MOB1B: variants seen among roughly 807,000 people sequenced by gnomAD.
MOB1B encodes MOB kinase activator 1B, also known as MOB1 Mps One Binder homolog B.
In MOB1B, 19 loss-of-function variants were observed where a neutral mutation model predicts 24.4. The ratio of observed to expected loss-of-function variants is 0.78; its 90% CI spans 0.54 to 1.14. The LOEUF is 1.14. Among genes scored for constraint, MOB1B ranks in the 50% most tolerant of loss-of-function variants. MOB1B has a pLI of 0.00. For missense variants in MOB1B, 243 were observed against 259.6 expected, an observed-to-expected ratio of 0.94 and a Z score of 0.44; for synonymous variants, 76 against 82.1, an observed-to-expected ratio of 0.93 and a Z score of 0.40.
chr4:70,929,890 CCCTT>C (rs1489522170), intron 1 of MOB1B, among the ~76,000 whole-genome samples: 2 of 151,830 alleles, frequency 1.3e-5, no homozygotes, highest in Non-Finnish European at 2.9e-5. Flanking sequence ...GCCTCGGCCT[CCCTT>C]AATACAGCCA....
chr4:70,974,724 C>G (rs552708053), intron 3 of MOB1B, among the ~76,000 whole-genome samples: 1 of 152,262 alleles, frequency 6.6e-6, no homozygotes, highest in South Asian at 2.1e-4. Flanking sequence ...GTGTCATTCT[C>G]TATCCTTAAC....
intron 2 of MOB1B, among the ~76,000 whole-genome samples, chr4:70,968,511 A>G (rs1738628658): frequency 1.3e-5 from 2 of 151,946 alleles, no homozygotes; most frequent in Non-Finnish European, 2.9e-5. Flanking sequence ...AGGTTTCTCT[A>G]TGTTGATCAT....
At chr4:70,911,082 T>A (rs1219178735) in intron 1 of MOB1B, among the ~76,000 whole-genome samples, 3 of 152,112 alleles carry the variant, frequency 2.0e-5, no homozygotes, top group Non-Finnish European at 4.4e-5. Context: ...CACCGCGCCC[T>A]GCTAACTTCT....
chr4:70,938,594 G>C (rs1205337439), intron 1 of MOB1B, among the ~76,000 whole-genome samples: 2 of 151,990 alleles, frequency 1.3e-5, no homozygotes, highest in African/African-American at 4.8e-5. Flanking sequence ...GAAGCCCACT[G>C]TGTAGATTGT....
chr4:70,934,159 AC>A (rs1736991311), intron 1 of MOB1B, among the ~76,000 whole-genome samples: 1 of 152,114 alleles, frequency 6.6e-6, no homozygotes, highest in South Asian at 2.1e-4. Context: ...ATCTCTGCTC[AC>A]TACAACCTCT....
At chr4:70,965,239 G>A (rs1490686478) in intron 2 of MOB1B, among the ~76,000 whole-genome samples, 2 of 141,442 alleles carry the variant, frequency 1.4e-5, no homozygotes, top group East Asian at 2.1e-4. Context: ...AGAGGTTGCC[G>A]TGAGCCAAGA....
chr4:70,935,479 C>A (rs962652099), intron 1 of MOB1B, among the ~76,000 whole-genome samples: 1 of 152,144 alleles, frequency 6.6e-6, no homozygotes, highest in South Asian at 2.1e-4. Context: ...TCTGAAGTCT[C>A]GCCTGTGGAG....
chr4:70,922,594 C>G (rs576898020), intron 1 of MOB1B, among the ~76,000 whole-genome samples: 1 of 152,154 alleles, frequency 6.6e-6, no homozygotes, highest in African/African-American at 2.4e-5. Flanking sequence ...GAGAGGCAGG[C>G]CCGAATTAAC....
chr4:70,983,076 A>T lies in MOB1B; in HGVS notation c.*1019A>T, dbSNP rs146046838. ...GCATGAAGATTTTAATCAATTACTT[A>T]TAAACAAAGTCTTAGAGACTTCCTT... On this transcript the variant is annotated 3_prime_UTR_variant, in exon 6 of 6. Coordinates refer to ENST00000309395, the MANE Select transcript of MOB1B (RefSeq NM_173468.4). 6.6e-6 allele frequency: 1 copy of T among 152,354 alleles called. No individual in the cohort carries two copies. Among genetic ancestry groups the T allele is most frequent in the Admixed American group, 6.5e-5 (1 of 15,274 alleles). The allele number at this position is 152,354 out of a possible 1,614,324, so 9.4% of individuals were successfully genotyped here. A position where few individuals can be genotyped will look rare whatever the true frequency, so the allele number is the denominator to read the frequency against.
intron 1 of MOB1B, among the ~76,000 whole-genome samples, chr4:70,912,201 G>T (rs1736015764): frequency 6.6e-6 from 1 of 151,242 alleles, no homozygotes; most frequent in African/African-American, 2.4e-5. Context: ...CCAGCCTTAG[G>T]TCCATCTTTT....
chr4:70,978,283 T>A (rs763603594), intron 4 of MOB1B, among the ~76,000 whole-genome samples: 1 of 152,252 alleles, frequency 6.6e-6, no homozygotes, highest in Non-Finnish European at 1.5e-5. Context: ...CTGAATAATA[T>A]TTCATTGTGT....
At chr4:70,957,100 G>GT (rs572932916) in intron 1 of MOB1B, among the ~76,000 whole-genome samples, 10,056 of 123,028 alleles carry the variant, frequency 0.082, 817 homozygotes, top group African/African-American at 0.21. Flanking sequence ...TTGTTTATGT[G>GT]TTTTTTTTTT....
intron 1 of MOB1B, among the ~76,000 whole-genome samples, chr4:70,913,259 G>GGTAC (rs1456893666): frequency 6.7e-6 from 1 of 149,918 alleles, no homozygotes. Flanking sequence ...CGTTTGTATG[G>GGTAC]GTATGTATGT....
chr4:70,957,756 T>A (rs60403169), intron 1 of MOB1B, among the ~76,000 whole-genome samples: 2,030 of 146,610 alleles, frequency 0.014, 34 homozygotes, highest in African/African-American at 0.048. Context: ...CTGCCTTATT[T>A]TTTTTTTTTT....
At chr4:70,927,135 G>T (rs2148876739) in intron 1 of MOB1B, among the ~76,000 whole-genome samples, 1 of 152,308 alleles carries the variant, frequency 6.6e-6, no homozygotes, top group South Asian at 2.1e-4. Context: ...GCTAATGATG[G>T]TTAAAGACCC....
intron 1 of MOB1B, among the ~76,000 whole-genome samples, chr4:70,937,480 A>G (rs1737130522): frequency 6.6e-6 from 1 of 151,082 alleles, no homozygotes; most frequent in African/African-American, 2.4e-5. Flanking sequence ...AGGCTTCTTG[A>G]CTGGTCCTTA....
chr4:70,973,797 A>G (rs577651404), intron 3 of MOB1B, among the ~76,000 whole-genome samples: 6 of 152,384 alleles, frequency 3.9e-5, no homozygotes, highest in Middle Eastern at 3.4e-3. Flanking sequence ...GGTTGTCTAC[A>G]GAATGTTTAA....
chr4:70,918,773 G>A (rs1406185366), intron 1 of MOB1B, among the ~76,000 whole-genome samples: 11 of 152,088 alleles, frequency 7.2e-5, no homozygotes, highest in African/African-American at 1.9e-4. Context: ...GCCCATGCCT[G>A]TGTCCTGAAT....
At chr4:70,960,813 C>T (rs1158611529) in intron 2 of MOB1B, among the ~76,000 whole-genome samples, 1 of 152,096 alleles carries the variant, frequency 6.6e-6, no homozygotes, top group African/African-American at 2.4e-5. Context: ...CTAATTTGTG[C>T]CTTTTTGTAA....
Sources: gnomAD v4.1 joint callset for allele counts (sites outside exome capture counted in the v4.1 genomes callset) on GRCh38, gnomAD v4.1.1 for gene constraint, MANE v1.5 for transcripts, NCBI Gene and HGNC (gene_info 2026-07-23, HGNC 2026-07-21) for gene names.